KIT: variants seen among roughly 807,000 people sequenced by gnomAD.
The protein encoded by KIT is mast/stem cell growth factor receptor Kit.
In KIT, 16 loss-of-function variants were observed where a neutral mutation model predicts 105.7. The ratio of observed to expected loss-of-function variants is 0.15; its 90% confidence interval spans 0.10 to 0.23. KIT has a LOEUF of 0.23. Ranked by LOEUF, KIT falls within the 10% of genes least tolerant of loss-of-function variation. The probability of loss-of-function intolerance (pLI) is 1.00; values close to 1 mark genes in which losing one functional copy is unlikely to be tolerated. For missense variants in KIT, 858 were observed against 1,213.8 expected, an observed-to-expected ratio of 0.71 and a Z score of 4.36; for synonymous variants, 438 against 441.1, an observed-to-expected ratio of 0.99 and a Z score of 0.09.
Position 54,727,331 on chromosome 4 carries a change from A to C in KIT, c.1647+7A>C, listed in dbSNP as rs1060504659. 1.9e-6 allele frequency: 3 copies of C among 1,613,544 alleles called. No individual in the cohort carries two copies. The highest frequency in any genetic ancestry group is 2.5e-6 in the Non-Finnish European group (3 of 1,179,546). On this transcript the variant is annotated splice_region_variant and intron_variant, in intron 10 of 20. Transcript: ENST00000288135. Reference sequence around the variant, plus strand: ...GACCTACAAATATTTACAGGTAACCATTTATTTGTTCTCTCTCCAGAGTGC... The same window carrying C: ...GACCTACAAATATTTACAGGTAACCCTTTATTTGTTCTCTCTCCAGAGTGC...
intron 17 of KIT, 78 bp from the exon 18 acceptor site, chr4:54,736,420 A>G (rs2109810450): frequency 9.3e-7 from 1 of 1,078,074 alleles, no homozygotes; most frequent in Non-Finnish European, 1.4e-6. Flanking sequence ...CAACAGCAGC[A>G]TCTATAAGAA....
chr4:54,732,151 G>C (rs1722652135), intron 16 of KIT, among the ~76,000 whole-genome samples, 153 bp downstream of exon 16: 1 of 142,270 alleles, frequency 7.0e-6, no homozygotes, highest in Non-Finnish European at 1.5e-5. Context: ...AGGAAATTTA[G>C]TTTCTTCATG....
intron 1 of KIT, among the ~76,000 whole-genome samples, chr4:54,664,796 G>A (rs1307748683): frequency 6.6e-6 from 1 of 150,622 alleles, no homozygotes; most frequent in African/African-American, 2.4e-5. Flanking sequence ...TATTTTTGTA[G>A]AGAATAGTCT....
In KIT at chr4:54,731,950, C is replaced by T; in HGVS notation, c.2313C>T (p.Ser771=). The T allele has an allele frequency of 2.5e-6, 4 of 1,613,368 alleles. No individual in the cohort carries two copies. The highest frequency in any genetic ancestry group is 3.4e-6 in the Non-Finnish European group (4 of 1,179,736). The part of the protein sequence containing the change: ...ELALDLEDLL[S]FSYQVAKGMA... ...CCCTAGACTTAGAAGACTTGCTGAG[C>T]TTTTCTTACCAGGTGGCAAAGGGCA... is the stretch of plus-strand genomic sequence containing the variant. The change falls in exon 16 of 21, where the codon AGC becomes AGT. Residue 771 remains serine (S), a synonymous_variant. Coordinates refer to ENST00000288135, the MANE Select transcript of KIT (RefSeq NM_000222.3).
intron 1 of KIT, among the ~76,000 whole-genome samples, chr4:54,673,879 C>T (rs892464307): frequency 4.6e-5 from 7 of 152,132 alleles, no homozygotes; most frequent in African/African-American, 1.4e-4. Flanking sequence ...AAGTGATTCT[C>T]GTGCCTCAGC....
chr4:54,682,425 G>A (rs1290044389), intron 1 of KIT, among the ~76,000 whole-genome samples: 3 of 151,294 alleles, frequency 2.0e-5, no homozygotes, highest in Non-Finnish European at 4.4e-5. Flanking sequence ...AGATTTCTTT[G>A]TCTTTTTTTT....
intron 1 of KIT, among the ~76,000 whole-genome samples, chr4:54,688,200 C>G (rs558419244): frequency 1.7e-4 from 26 of 152,310 alleles, no homozygotes; most frequent in Admixed American, 6.5e-4. Flanking sequence ...TTTGTAAAGC[C>G]TCATGGGTGT....
At chr4:54,720,689 T>C (rs1052761489) in intron 7 of KIT, among the ~76,000 whole-genome samples, 1 of 152,234 alleles carries the variant, frequency 6.6e-6, no homozygotes, top group African/African-American at 2.4e-5. Flanking sequence ...GCCTATTAAG[T>C]TAATATTTAA....
chr4:54,715,721 TA>T (rs1721446898), intron 7 of KIT, among the ~76,000 whole-genome samples: 2 of 152,184 alleles, frequency 1.3e-5, no homozygotes, highest in Non-Finnish European at 2.9e-5. Flanking sequence ...GATCAGTTTT[TA>T]AACATGAGAT....
At position 54,711,743 on chromosome 4, in the gene KIT, G is replaced by T. The variant is rs374533324; in HGVS notation, c.1231+2204G>T. ...TCGAGACCAGCCTGGCCAACATGGT[G>T]AAACCCCTTCTCTACTAAAAATAGA... On this transcript the variant is annotated intron_variant, in intron 7 of 20. Coordinates refer to ENST00000288135, the MANE Select transcript of KIT (RefSeq NM_000222.3). 5.3e-5 allele frequency among the ~76,000 whole-genome samples: 8 copies of T among 151,872 alleles called. No individual in the cohort carries two copies. The East Asian group carries it at 1.6e-3, about 29-fold the overall frequency.
At chr4:54,722,765 T>C (rs1721954418) in intron 7 of KIT, among the ~76,000 whole-genome samples, 1 of 149,946 alleles carries the variant, frequency 6.7e-6, no homozygotes, top group Non-Finnish European at 1.5e-5. Context: ...AAATACCAAA[T>C]TAGAGCATTT....
At chr4:54,677,231 A>C (rs1718542307) in intron 1 of KIT, among the ~76,000 whole-genome samples, 2 of 151,948 alleles carry the variant, frequency 1.3e-5, no homozygotes, top group South Asian at 4.2e-4. Flanking sequence ...CCTGAGCTTT[A>C]GACCCCTCCA....
intron 1 of KIT, among the ~76,000 whole-genome samples, chr4:54,685,527 G>A (rs560598964): frequency 4.6e-5 from 7 of 152,156 alleles, no homozygotes; most frequent in South Asian, 2.1e-4. Context: ...TTTCTGGGTC[G>A]CTGACTGGTT....
chr4:54,676,315 T>C (rs778853037), intron 1 of KIT, among the ~76,000 whole-genome samples: 21 of 152,294 alleles, frequency 1.4e-4, no homozygotes, highest in Non-Finnish European at 2.9e-4. Context: ...TCCAGGTGAT[T>C]CTGCTGCAGG....
Position 54,699,612 on chromosome 4 carries a change from C to T in KIT, c.620-18C>T. ...ATAATACAAATTATTTGAGGGGCCA[C>T]ATTTCTTTTCATTCTAGCCTTCAAA... On this transcript the variant is annotated intron_variant, in intron 3 of 20. Transcript: ENST00000288135. The T allele has an allele frequency of 1.2e-6, 2 of 1,613,724 alleles. No homozygotes were observed. The highest frequency in any genetic ancestry group is 1.7e-6 in the Non-Finnish European group (2 of 1,179,760).
At chr4:54,710,019 C>T (rs1318844511) in intron 7 of KIT, among the ~76,000 whole-genome samples, 1 of 152,128 alleles carries the variant, frequency 6.6e-6, no homozygotes, top group Non-Finnish European at 1.5e-5. Context: ...CTGACAGGCC[C>T]ATGGCTCACT....
At chr4:54,711,928 CA>C (rs549683976) in intron 7 of KIT, among the ~76,000 whole-genome samples, 863 of 73,866 alleles carry the variant, frequency 0.012, 5 homozygotes, top group African/African-American at 0.03. Context: ...GAGTCCGTCT[CA>C]AAAAAAAAAA....
chr4:54,675,062 A>C (rs920577018), intron 1 of KIT, among the ~76,000 whole-genome samples: 2 of 152,178 alleles, frequency 1.3e-5, no homozygotes, highest in African/African-American at 4.8e-5. Context: ...TCTGGAAAAA[A>C]TGCTGCTAGG....
intron 15 of KIT, among the ~76,000 whole-genome samples, chr4:54,731,668 T>C (rs1241380793): frequency 6.6e-6 from 1 of 152,180 alleles, no homozygotes; most frequent in Non-Finnish European, 1.5e-5. Flanking sequence ...CTCTCCTCTA[T>C]GGATTTTGTA....
Sources: allele counts gnomAD v4.1 joint callset (sites outside exome capture counted in the v4.1 genomes callset), GRCh38; gene constraint gnomAD v4.1.1; transcripts MANE v1.5; gene names NCBI Gene and HGNC (gene_info 2026-07-23, HGNC 2026-07-21).